The following VAV3 variants were observed in gnomAD, a reference collection of about 807,000 sequenced individuals.
VAV3 encodes vav guanine nucleotide exchange factor 3.
VAV3 carries 94 observed loss-of-function variants against 131.2 expected under a neutral mutation model. The observed-to-expected ratio is 0.72, with a 90% confidence interval of 0.61 to 0.85. The LOEUF is 0.85. Among genes scored for constraint, VAV3 ranks in the 40% least tolerant of loss-of-function variants. The probability of loss-of-function intolerance (pLI) is 0.00; values close to 1 mark genes in which losing one functional copy is unlikely to be tolerated. For missense variants in VAV3, 939 were observed against 1,002.7 expected (o/e 0.94, Z 0.86); for synonymous variants, 349 against 342.0 (o/e 1.02, Z -0.22).
intron 4 of VAV3, among the ~76,000 whole-genome samples, chr1:107,774,167 A>G (rs1665205588): frequency 6.6e-6 from 1 of 152,064 alleles, no homozygotes. Flanking sequence ...CCTGGGTTCC[A>G]GCGATTCTTC....
chr1:107,699,459 G>A (rs1169027848), intron 17 of VAV3, among the ~76,000 whole-genome samples: 2 of 152,232 alleles, frequency 1.3e-5, no homozygotes, highest in Non-Finnish European at 2.9e-5. Context: ...GGCTGGCAAT[G>A]AGTGTCTGCG....
At chr1:107,794,800 T>A (rs993008167) in intron 2 of VAV3, among the ~76,000 whole-genome samples, 19 of 152,190 alleles carry the variant, frequency 1.2e-4, no homozygotes, top group Non-Finnish European at 2.6e-4. Context: ...GAATTTCCCT[T>A]AGGGTCTGAG....
intron 20 of VAV3, among the ~76,000 whole-genome samples, chr1:107,622,809 GA>G (rs1226757413): frequency 2.0e-5 from 3 of 152,190 alleles, no homozygotes; most frequent in African/African-American, 7.2e-5. Flanking sequence ...AGTGTTTGGG[GA>G]AAGAAGATGT....
chr1:107,891,609 C>T (rs866601030), intron 1 of VAV3, among the ~76,000 whole-genome samples: 1 of 151,852 alleles, frequency 6.6e-6, no homozygotes, highest in Non-Finnish European at 1.5e-5. Flanking sequence ...GAGGCCGAAG[C>T]GGGTGGATCA....
chr1:107,632,129 C>T (rs1018722608), intron 20 of VAV3, among the ~76,000 whole-genome samples: 6 of 152,286 alleles, frequency 3.9e-5, no homozygotes, highest in Middle Eastern at 3.4e-3. Context: ...TTTGTAGCTA[C>T]GTTTAATAAT....
intron 4 of VAV3, among the ~76,000 whole-genome samples, chr1:107,774,388 C>T (rs1165094040): frequency 6.6e-6 from 1 of 152,146 alleles, no homozygotes; most frequent in Non-Finnish European, 1.5e-5. Context: ...ATTTTAAGAC[C>T]TGTAAGAATG....
At chr1:107,832,794 T>C (rs919552114) in intron 2 of VAV3, among the ~76,000 whole-genome samples, 18 of 152,210 alleles carry the variant, frequency 1.2e-4, no homozygotes, top group African/African-American at 3.4e-4. Flanking sequence ...ATGTAAGCCA[T>C]TGATTACATT....
At chr1:107,929,190 AG>A (rs1289844953) in intron 1 of VAV3, among the ~76,000 whole-genome samples, 1 of 150,148 alleles carries the variant, frequency 6.7e-6, no homozygotes, top group African/African-American at 2.5e-5. Context: ...TGGGAGGCTG[AG>A]GCAGGAGAAT....
At chr1:107,882,098 A>C (rs1304309207) in intron 1 of VAV3, among the ~76,000 whole-genome samples, 1 of 152,204 alleles carries the variant, frequency 6.6e-6, no homozygotes, top group Non-Finnish European at 1.5e-5. Flanking sequence ...AGTGGTGTTA[A>C]CTGAGGCAAT....
At chr1:107,776,898 CTA>C (rs1235156868) in intron 4 of VAV3, among the ~76,000 whole-genome samples, 6 of 152,238 alleles carry the variant, frequency 3.9e-5, no homozygotes, top group Admixed American at 1.3e-4. Flanking sequence ...AAGGCATGCA[CTA>C]TGTGTCCCAC....
chr1:107,765,651 G>A (rs1036801925), intron 8 of VAV3, among the ~76,000 whole-genome samples: 2 of 152,142 alleles, frequency 1.3e-5, no homozygotes, highest in Non-Finnish European at 2.9e-5. Context: ...TAAATCATCT[G>A]AAGAGAGGAA....
intron 25 of VAV3, among the ~76,000 whole-genome samples, chr1:107,585,116 C>T (rs970941302): frequency 1.3e-5 from 2 of 152,184 alleles, no homozygotes; most frequent in African/African-American, 4.8e-5. Context: ...GAGCCCTCAA[C>T]ACAAAACAAA....
At chr1:107,647,197 C>T (rs1369113529) in intron 19 of VAV3, among the ~76,000 whole-genome samples, 2 of 149,590 alleles carry the variant, frequency 1.3e-5, no homozygotes, top group African/African-American at 2.5e-5. Context: ...TGGGCTTCCC[C>T]GAGGCAATAA....
At chr1:107,712,607 T>C (rs2101883992) in intron 15 of VAV3, among the ~76,000 whole-genome samples, 1 of 152,352 alleles carries the variant, frequency 6.6e-6, no homozygotes, top group Non-Finnish European at 1.5e-5. Context: ...GGACCGAATA[T>C]GTGCAAGGAC....
At chr1:107,656,851 A>T (rs1400082834) in intron 19 of VAV3, among the ~76,000 whole-genome samples, 1 of 151,846 alleles carries the variant, frequency 6.6e-6, no homozygotes, top group Admixed American at 6.6e-5. Flanking sequence ...AAGAGTAAAC[A>T]TTACTCCTGC....
In VAV3 at chr1:107,602,377, A is replaced by G; in HGVS notation, c.2220+20T>C. On this transcript the variant is annotated intron_variant, in intron 24 of 26. Coordinates refer to ENST00000370056, the MANE Select transcript of VAV3 (RefSeq NM_006113.5). ...AGAAAAATAAGGATCCCAGATTGAA[A>G]AGAAATAATCAATGCTTACCATTAA... 2 of 1,486,792 alleles carry G rather than the reference A, an allele frequency of 1.3e-6. No homozygotes were observed. 92.1% of individuals were successfully genotyped at this position (1,486,792 alleles called of 1,614,324 possible). A position where few individuals can be genotyped will look rare whatever the true frequency, so the allele number is the denominator to read the frequency against.
intron 24 of VAV3, among the ~76,000 whole-genome samples, chr1:107,600,844 T>G (rs1400179463): frequency 6.6e-6 from 1 of 152,214 alleles, no homozygotes; most frequent in Non-Finnish European, 1.5e-5. Flanking sequence ...ATTCCTTTCA[T>G]CTTCTTTGCT....
intron 1 of VAV3, among the ~76,000 whole-genome samples, chr1:107,942,738 C>A (rs1674061973): frequency 6.6e-6 from 1 of 152,200 alleles, no homozygotes; most frequent in Non-Finnish European, 1.5e-5. Flanking sequence ...TCCATACCAA[C>A]CCCCGGCCTT....
At chr1:107,639,379 A>AT (rs1655167206) in intron 20 of VAV3, among the ~76,000 whole-genome samples, 1 of 135,664 alleles carries the variant, frequency 7.4e-6, no homozygotes, top group Non-Finnish European at 1.7e-5. Context: ...TATCAAGAGA[A>AT]TAAAAAAAAA....
Sources: allele counts gnomAD v4.1 joint callset (sites outside exome capture counted in the v4.1 genomes callset), GRCh38; gene constraint gnomAD v4.1.1; transcripts MANE v1.5; gene names NCBI Gene and HGNC (gene_info 2026-07-23, HGNC 2026-07-21).